The following CDH13 variants were observed in gnomAD, a reference collection of about 807,000 sequenced individuals.
CDH13 encodes the protein cadherin-13.
Under a neutral mutation model 63.8 loss-of-function variants are expected in CDH13, and 24 were observed. That is an observed-to-expected ratio of 0.38 (90% CI 0.27 to 0.53). The LOEUF (loss-of-function observed/expected upper bound fraction) is 0.53. Among genes scored for constraint, CDH13 ranks in the 20% least tolerant of loss-of-function variants. The pLI is 0.85. For synonymous variants in CDH13, 503 were observed against 355.3 expected (o/e 1.42, Z -4.67); for missense variants, 1,049 against 903.1 (o/e 1.16, Z -2.07).
At position 83,615,562 on chromosome 16, in the gene CDH13, G is replaced by A. The variant is rs116142684; in HGVS notation, c.1101+12968G>A. On this transcript the variant is annotated intron_variant, in intron 8 of 13. Coordinates refer to ENST00000567109, the MANE Select transcript of CDH13 (RefSeq NM_001257.5). Reference sequence around the variant, plus strand: ...TCACATATCTGACAGTTTTCAGTGTGGCTGAGGTTTTAAATCAACCCAACT... The same window carrying A: ...TCACATATCTGACAGTTTTCAGTGTAGCTGAGGTTTTAAATCAACCCAACT... Among the ~76,000 whole-genome samples the A allele has an allele frequency of 6.3e-3, 953 of 152,086 alleles. 7 individuals are homozygous for A. Among genetic ancestry groups the A allele is most frequent in the African/African-American group, 0.021 (883 of 41,496 alleles).
chr16:83,025,278 G>A (rs777627083), intron 2 of CDH13, among the ~76,000 whole-genome samples: 12 of 152,178 alleles, frequency 7.9e-5, no homozygotes, highest in African/African-American at 1.2e-4. Flanking sequence ...AATATAGGTG[G>A]TATATTAGTC....
chr16:83,210,974 C>T (rs1203811254), intron 4 of CDH13, among the ~76,000 whole-genome samples: 1 of 151,610 alleles, frequency 6.6e-6, no homozygotes, highest in African/African-American at 2.4e-5. Context: ...ACAGTGAAAC[C>T]CTGTCTCTAC....
chr16:83,513,920 GA>G (rs2074636326), intron 7 of CDH13, among the ~76,000 whole-genome samples: 1 of 151,544 alleles, frequency 6.6e-6, no homozygotes, highest in Non-Finnish European at 1.5e-5. Flanking sequence ...GAGAATGAAG[GA>G]AAAAAAGTAA....
At chr16:82,970,537 C>A (rs560255178) in intron 2 of CDH13, among the ~76,000 whole-genome samples, 1 of 143,520 alleles carries the variant, frequency 7.0e-6, no homozygotes, top group Admixed American at 7.0e-5. Flanking sequence ...GTAGCTGGGA[C>A]TACAGGCGCC....
At chr16:83,015,428 A>G (rs1567746637) in intron 2 of CDH13, among the ~76,000 whole-genome samples, 1 of 151,564 alleles carries the variant, frequency 6.6e-6, no homozygotes, top group East Asian at 1.9e-4. Flanking sequence ...GAAAAAAAAA[A>G]GTGTCATTCT....
At chr16:82,772,187 G>C (rs1036900542) in intron 1 of CDH13, among the ~76,000 whole-genome samples, 3 of 151,522 alleles carry the variant, frequency 2.0e-5, no homozygotes, top group South Asian at 4.2e-4. Flanking sequence ...CATGGTGAGA[G>C]TATCTACACC....
At chr16:82,843,682 A>T (rs754061661) in intron 1 of CDH13, among the ~76,000 whole-genome samples, 2 of 152,242 alleles carry the variant, frequency 1.3e-5, no homozygotes, top group Non-Finnish European at 2.9e-5. Context: ...ATTAATAAAA[A>T]CCTTCCCATG....
chr16:83,130,750 T>C (rs1290867638), intron 4 of CDH13, among the ~76,000 whole-genome samples: 1 of 152,230 alleles, frequency 6.6e-6, no homozygotes, highest in Non-Finnish European at 1.5e-5. Context: ...TTTTAAATCA[T>C]TTGTCTTGCA....
intron 7 of CDH13, among the ~76,000 whole-genome samples, chr16:83,549,508 T>C (rs549857586): frequency 6.6e-6 from 1 of 152,266 alleles, no homozygotes; most frequent in East Asian, 1.9e-4. Context: ...CTTCACCTGC[T>C]TGTGCCCTCG....
chr16:83,626,715 A>G (rs953832010), intron 8 of CDH13, among the ~76,000 whole-genome samples: 22 of 151,878 alleles, frequency 1.4e-4, no homozygotes, highest in African/African-American at 5.1e-4. Flanking sequence ...TTCCAATTCA[A>G]AATAAATCCT....
intron 1 of CDH13, among the ~76,000 whole-genome samples, chr16:82,711,613 G>T (rs1167968073): frequency 6.6e-6 from 1 of 152,210 alleles, no homozygotes; most frequent in Non-Finnish European, 1.5e-5. Flanking sequence ...CTGAGATCCA[G>T]AGACATTGAG....
intron 2 of CDH13, among the ~76,000 whole-genome samples, chr16:82,865,461 A>G (rs1031866996): frequency 6.6e-6 from 1 of 152,250 alleles, no homozygotes; most frequent in African/African-American, 2.4e-5. Flanking sequence ...GTGCACCTGC[A>G]GGCCCAACAC....
At chr16:83,549,341 A>C (rs1465849498) in intron 7 of CDH13, among the ~76,000 whole-genome samples, 2 of 152,224 alleles carry the variant, frequency 1.3e-5, no homozygotes, top group Non-Finnish European at 2.9e-5. Context: ...TGGAAGTAAA[A>C]TATCAGCTAG....
At chr16:83,136,174 T>TAAA (rs11284544) in intron 4 of CDH13, among the ~76,000 whole-genome samples, 32 of 139,670 alleles carry the variant, frequency 2.3e-4, no homozygotes, top group Admixed American at 2.8e-4. Flanking sequence ...CTATAGAAAT[T>TAAA]AAAAAAAAAA....
At chr16:83,019,496 T>C (rs1329197897) in intron 2 of CDH13, among the ~76,000 whole-genome samples, 3 of 97,758 alleles carry the variant, frequency 3.1e-5, no homozygotes, top group Non-Finnish European at 6.8e-5. Context: ...TAACATTTTC[T>C]TTTTTTTTTT....
At chr16:83,252,887 G>A (rs1044143501) in intron 5 of CDH13, among the ~76,000 whole-genome samples, 8 of 152,124 alleles carry the variant, frequency 5.3e-5, no homozygotes, top group Non-Finnish European at 7.3e-5. Context: ...CTGAGTCAGA[G>A]CAACTTGTTT....
chr16:82,827,774 T>C (rs898132603), intron 1 of CDH13, among the ~76,000 whole-genome samples: 2 of 152,174 alleles, frequency 1.3e-5, no homozygotes, highest in African/African-American at 2.4e-5. Flanking sequence ...GGTTGGGTTA[T>C]TTGAGCAGAA....
chr16:83,683,757 G>T (rs1477077088), intron 10 of CDH13, among the ~76,000 whole-genome samples: 1 of 152,166 alleles, frequency 6.6e-6, no homozygotes, highest in African/African-American at 2.4e-5. Context: ...TTGAGCAAAA[G>T]TATTACTGTG....
chr16:83,611,125 AT>A (rs1330238639), intron 8 of CDH13, among the ~76,000 whole-genome samples: 5 of 151,982 alleles, frequency 3.3e-5, no homozygotes, highest in Non-Finnish European at 7.4e-5. Context: ...TCTTTCAACC[AT>A]TTTTTAAGTT....
Sources: allele counts gnomAD v4.1 joint callset (sites outside exome capture counted in the v4.1 genomes callset), GRCh38; gene constraint gnomAD v4.1.1; transcripts MANE v1.5; gene names NCBI Gene and HGNC (gene_info 2026-07-23, HGNC 2026-07-21).